The following HMCN2 variants were observed in gnomAD, a reference collection of about 807,000 sequenced individuals.
HMCN2 encodes hemicentin 2.
A neutral mutation model predicts 377.5 loss-of-function variants in HMCN2; 325 were observed. That is an observed-to-expected ratio of 0.86 (90% CI 0.79 to 0.94). The LOEUF is 0.94. Ranked by LOEUF, HMCN2 falls within the 40% of genes least tolerant of loss-of-function variation. The pLI, the probability that HMCN2 is intolerant of heterozygous loss-of-function variation, is 0.00. For synonymous variants in HMCN2, 2,007 were observed against 2,046.8 expected (o/e 0.98, Z 0.53); for missense variants, 4,543 against 4,725.3 (o/e 0.96, Z 1.13).
chr9:130,430,264 C>T lies in HMCN2; in HGVS notation c.14327-20C>T. The T allele has an allele frequency of 6.6e-7, 1 of 1,521,540 alleles. No individual in the cohort carries two copies. Among genetic ancestry groups the T allele is most frequent in the South Asian group, 1.2e-5 (1 of 81,906 alleles). The allele number at this position is 1,521,540 out of a possible 1,614,324, so 94.3% of individuals were successfully genotyped here. On this transcript the variant is annotated intron_variant, in intron 94 of 97. Transcript: ENST00000683500. ...GAACCTGGGCCACCTGTGCACACAC[C>T]TGACCCCACCCGTCTGCAGATGTCA...
At chr9:130,352,759 C>G (rs918477238) in intron 30 of HMCN2, among the ~76,000 whole-genome samples, 168 bp from the exon 31 acceptor site, 1 of 152,088 alleles carries the variant, frequency 6.6e-6, no homozygotes, top group African/African-American at 2.4e-5. Flanking sequence ...CTGGCCTCTC[C>G]CATCTGTCCC....
chr9:130,307,846 A>T (rs1836971803), intron 14 of HMCN2, among the ~76,000 whole-genome samples: 1 of 152,190 alleles, frequency 6.6e-6, no homozygotes, highest in Non-Finnish European at 1.5e-5. Flanking sequence ...GTGACTTGGC[A>T]TCTCTGAGCC....
At chr9:130,294,031 G>A (rs543469055) in intron 4 of HMCN2, among the ~76,000 whole-genome samples, 17 of 152,238 alleles carry the variant, frequency 1.1e-4, no homozygotes, top group Admixed American at 7.8e-4. Flanking sequence ...GGAGGCAGTG[G>A]CACAGTGACC....
chr9:130,369,860 C>G lies in HMCN2; in HGVS notation c.7069+9C>G. ...TGAGCTCTCCGTACTGGGTGAGGAC[C>G]GGCAGCTGCTGGAGGAGTTGGGCTG... On this transcript the variant is annotated intron_variant, in intron 45 of 97. Transcript: ENST00000683500. This position sits in a 1 kb window ranked among gnomAD's most constrained non-coding sequence, Gnocchi z 4.5. The G allele has an allele frequency of 1.0e-6, 1 of 985,950 alleles. No individual in the cohort carries two copies. The highest frequency in any genetic ancestry group is 1.2e-6 in the Non-Finnish European group (1 of 830,312). The allele number at this position is 985,950 out of a possible 1,614,324, so 61.1% of individuals were successfully genotyped here.
Position 130,296,740 on chromosome 9 carries a change from T to G in HMCN2, c.958T>G (p.Phe320Val), listed in dbSNP as rs1367466672. Residue 320 changes from phenylalanine to valine, a missense_variant, in exon 7 of 98, where the codon TTC becomes GTC. Physicochemically the swap from Phe to Val is conservative, Grantham distance 50 (BLOSUM62 -1). Around this residue, in one of 5 missense-constraint regions of HMCN2, gnomAD observed 547 missense variants for 189.9 expected, o/e 2.88. Coordinates refer to ENST00000683500, the MANE Select transcript of HMCN2 (RefSeq NM_001291815.2). ...CAGCAACATTGACTTCCGAGCCGGCTTCTCCACTCAGCCCTTGCTGGACCT... is the reference window on the plus strand; with the variant it reads ...CAGCAACATTGACTTCCGAGCCGGCGTCTCCACTCAGCCCTTGCTGGACCT... ...GVSNIDFRAG[F>V]STQPLLDLNH... The G allele has an allele frequency of 4.2e-6, 2 of 471,074 alleles. No homozygotes were observed. Among genetic ancestry groups the G allele is most frequent in the African/African-American group, 4.0e-5 (2 of 50,074 alleles). The allele number at this position is 471,074 out of a possible 1,614,324, so 29.2% of individuals were successfully genotyped here.
intron 85 of HMCN2, 43 bp downstream of exon 85, chr9:130,410,695 T>C: frequency 6.5e-7 from 1 of 1,527,392 alleles, no homozygotes; most frequent in Non-Finnish European, 8.9e-7. Context: ...GGAAGTGTGC[T>C]CGGGGACAGC....
At chr9:130,287,781 G>A (rs1340908110) in intron 4 of HMCN2, among the ~76,000 whole-genome samples, 1 of 152,142 alleles carries the variant, frequency 6.6e-6, no homozygotes, top group African/African-American at 2.4e-5. Flanking sequence ...GAATGGACAG[G>A]GTCCCTTGTG....
chr9:130,327,836 G>T (rs1192042287), intron 22 of HMCN2, among the ~76,000 whole-genome samples: 1 of 152,214 alleles, frequency 6.6e-6, no homozygotes, highest in Non-Finnish European at 1.5e-5. Flanking sequence ...CCAGGGCTGG[G>T]ACCACGTCCC....
chr9:130,405,993 C>A lies in HMCN2; in HGVS notation c.12378C>A (p.Asn4126Lys). The A allele has an allele frequency of 1.6e-6, 2 of 1,289,618 alleles. No homozygotes were observed. The highest frequency in any genetic ancestry group is 2.5e-5 in the South Asian group (2 of 80,980). 79.9% of individuals were successfully genotyped at this position (1,289,618 alleles called of 1,614,324 possible). A position where few individuals can be genotyped will look rare whatever the true frequency, so the allele number is the denominator to read the frequency against. ...DAGTYTCTAE[N>K]AVGRARRRVH... is the part of the protein sequence containing the mutation. Reference sequence around the variant, plus strand: ...GCACCTATACCTGTACCGCTGAGAACGCCGTGGGCCGGGCCCGCCGCCGCG... The same window carrying A: ...GCACCTATACCTGTACCGCTGAGAAAGCCGTGGGCCGGGCCCGCCGCCGCG... Residue 4126 changes from asparagine (N) to lysine (K), a missense_variant, in exon 82 of 98, where the codon AAC becomes AAA. By Grantham distance (94) the Asn-to-Lys change is moderately conservative (BLOSUM62 0). Around this residue, in one of 5 missense-constraint regions of HMCN2, gnomAD observed 1,073 missense variants for 1,319.5 expected, o/e 0.81. Coordinates refer to ENST00000683500, the MANE Select transcript of HMCN2 (RefSeq NM_001291815.2).
At chr9:130,275,344 C>T (rs1330718287) in intron 1 of HMCN2, among the ~76,000 whole-genome samples, 4 of 152,200 alleles carry the variant, frequency 2.6e-5, no homozygotes, top group African/African-American at 9.7e-5. Context: ...GTTTGGGCCA[C>T]ACACTTGCCT....
chr9:130,297,057 G>C (rs1836205678), intron 7 of HMCN2, among the ~76,000 whole-genome samples: 1 of 152,236 alleles, frequency 6.6e-6, no homozygotes, highest in Non-Finnish European at 1.5e-5. Flanking sequence ...TCCACAGTCA[G>C]TGTCCTGGAG....
intron 36 of HMCN2, 144 bp downstream of exon 36, chr9:130,358,630 C>A: frequency 1.4e-6 from 1 of 717,588 alleles, no homozygotes; most frequent in Non-Finnish European, 2.1e-6. Context: ...AAGTAGAAAG[C>A]CCTGAAATGA....
intron 22 of HMCN2, among the ~76,000 whole-genome samples, chr9:130,328,036 C>T (rs1420732384): frequency 6.6e-6 from 1 of 152,212 alleles, no homozygotes; most frequent in East Asian, 1.9e-4. Flanking sequence ...GCCCTTGCCC[C>T]TGGCTGGGGG....
chr9:130,420,734 G>A (rs778069656), intron 86 of HMCN2, among the ~76,000 whole-genome samples: 43 of 151,964 alleles, frequency 2.8e-4, no homozygotes, highest in Non-Finnish European at 5.0e-4. Flanking sequence ...CTATTTATAA[G>A]GACACAGTCA....
rs1407254546 is a variant in HMCN2, at chr9:130,407,618, G to GTC, written c.12604_12605dup (p.Arg4203ProfsTer27). 6 of 1,289,040 alleles carry GTC rather than the reference G, an allele frequency of 4.7e-6. No homozygotes were observed. Among genetic ancestry groups the GTC allele is most frequent in the Non-Finnish European group, 6.1e-6 (6 of 988,570 alleles). 79.9% of individuals were successfully genotyped at this position (1,289,040 alleles called of 1,614,324 possible). On this transcript the variant is annotated frameshift_variant, in exon 83 of 98. Coordinates refer to ENST00000683500, the MANE Select transcript of HMCN2 (RefSeq NM_001291815.2). LOFTEE classifies it high-confidence loss of function. ...AGGCAGCACGCTGCAGCGGGCCGCTGTCTCCAGAGAAGACAGCGGGACCTA... is the reference window on the plus strand; with the variant it reads ...AGGCAGCACGCTGCAGCGGGCCGCTGTCTCTCCAGAGAAGACAGCGGGACCTA...
chr9:130,373,904 A>G lies in HMCN2; in HGVS notation c.7439-598A>G, dbSNP rs186488401. Among the ~76,000 whole-genome samples the G allele has an allele frequency of 1.7e-3, 250 of 150,372 alleles. 1 individual carries two copies. Among genetic ancestry groups the G allele is most frequent in the African/African-American group, 5.8e-3 (236 of 40,868 alleles). ...CATGGATGGATGGATGGATGGATGG[A>G]TGGATGGATGGAGAAATTTGTGGCT... On this transcript the variant is annotated intron_variant, in intron 48 of 97. Coordinates refer to ENST00000683500, the MANE Select transcript of HMCN2 (RefSeq NM_001291815.2).
intron 4 of HMCN2, among the ~76,000 whole-genome samples, chr9:130,292,018 C>CTTTTTTTTTTTTTTTTTTTT (rs35195661): frequency 7.0e-6 from 1 of 142,632 alleles, no homozygotes; most frequent in African/African-American, 2.6e-5. Context: ...GTGGCATTCA[C>CTTTTTTTTTTTTTTTTTTTT]TTTTTTTTTT....
At chr9:130,275,102 C>T (rs62586048) in intron 1 of HMCN2, among the ~76,000 whole-genome samples, 85,243 of 151,746 alleles carry the variant, frequency 0.56, 24,329 homozygotes, top group East Asian at 0.87. Context: ...CCCACACCGC[C>T]GCCAGCATCC....
intron 93 of HMCN2, 138 bp from the exon 94 acceptor site, chr9:130,429,419 C>T (rs188289789): frequency 1.2e-5 from 12 of 1,037,098 alleles, no homozygotes; most frequent in South Asian, 1.6e-5. Context: ...GCTGTGAGGG[C>T]GGCCATGCAG....
Sources: allele counts gnomAD v4.1 joint callset (sites outside exome capture counted in the v4.1 genomes callset), GRCh38; gene constraint gnomAD v4.1.1; regional missense constraint gnomAD v4.1.1; non-coding constraint Gnocchi (gnomAD v3.1); transcripts MANE v1.5; gene names NCBI Gene and HGNC (gene_info 2026-07-23, HGNC 2026-07-21).